Variants in GARNL3 observed in about 807,000 individuals in gnomAD.
The protein encoded by GARNL3 is GTPase-activating Rap/Ran-GAP domain-like protein 3.
A neutral mutation model predicts 125.0 loss-of-function variants in GARNL3; 63 were observed. The observed-to-expected ratio is 0.50, with a 90% CI of 0.41 to 0.62. GARNL3 has a LOEUF of 0.62. Among genes scored for constraint, GARNL3 ranks in the 20% least tolerant of loss-of-function variants. GARNL3 has a pLI of 0.00. For synonymous variants in GARNL3, 439 were observed against 457.5 expected (o/e 0.96, Z 0.52); for missense variants, 994 against 1,244.0 (o/e 0.80, Z 3.02).
intron 27 of GARNL3, 112 bp downstream of exon 27, chr9:127,390,879 A>G (rs1832785020): frequency 9.1e-7 from 1 of 1,103,246 alleles, no homozygotes; most frequent in Non-Finnish European, 1.3e-6. Flanking sequence ...TGGCAGCTAC[A>G]GCAGAGGGCC....
chr9:127,288,897 G>T lies in GARNL3; in HGVS notation c.145-2271G>T, dbSNP rs540649157. On this transcript the variant is annotated intron_variant, in intron 1 of 27. Coordinates refer to ENST00000373387, the MANE Select transcript of GARNL3 (RefSeq NM_032293.5). ...GTCTCTAGCAACCTCTATTTTAAGG[G>T]TAACAAGTAAGGGGAGGGTGTGTCC... 2.6e-5 allele frequency among the ~76,000 whole-genome samples: 4 copies of T among 152,278 alleles called. No individual in the cohort carries two copies. The South Asian group carries it at 8.3e-4, about 32-fold the overall frequency.
intron 1 of GARNL3, among the ~76,000 whole-genome samples, chr9:127,283,409 G>A (rs956169166): frequency 5.9e-5 from 9 of 152,140 alleles, no homozygotes; most frequent in African/African-American, 1.9e-4. Flanking sequence ...AGTGGCTCAC[G>A]CCTGTAATCC....
intron 2 of GARNL3, chr9:127,300,420 C>A: frequency 2.5e-6 from 1 of 402,236 alleles, no homozygotes. Flanking sequence ...CTCTTCTGCC[C>A]CTGCTGTTCC....
At position 127,359,827 on chromosome 9, in the gene GARNL3, A is replaced by AT. The variant is rs1258404717; in HGVS notation, c.2094+2452dup. On this transcript the variant is annotated intron_variant, in intron 21 of 27. Coordinates refer to ENST00000373387, the MANE Select transcript of GARNL3 (RefSeq NM_032293.5). ...ACCTATATTTAATGTCCTATAATTC[A>AT]TTATAGGATTTCTTTTTCCTATGAT... 4.6e-5 allele frequency among the ~76,000 whole-genome samples: 7 copies of AT among 152,128 alleles called. No individual in the cohort carries two copies. In the East Asian group the frequency reaches 1.3e-3, roughly 29 times the overall value.
chr9:127,335,714 T>A (rs1220044872), intron 10 of GARNL3, among the ~76,000 whole-genome samples: 2 of 152,178 alleles, frequency 1.3e-5, no homozygotes, highest in Non-Finnish European at 2.9e-5. Context: ...TTTGTATAGG[T>A]GTTACCTTTT....
intron 7 of GARNL3, among the ~76,000 whole-genome samples, chr9:127,329,233 G>A (rs1829067988): frequency 6.6e-6 from 1 of 152,160 alleles, no homozygotes; most frequent in African/African-American, 2.4e-5. Context: ...AGTACTTCCA[G>A]TCTTTCTGGA....
chr9:127,373,749 C>T (rs145117862), intron 22 of GARNL3, among the ~76,000 whole-genome samples: 9 of 152,210 alleles, frequency 5.9e-5, no homozygotes, highest in East Asian at 5.8e-4. Flanking sequence ...CCTGGCTGGG[C>T]GCGATGGCTC....
At chr9:127,268,670 G>A (rs1321540029) in intron 1 of GARNL3, among the ~76,000 whole-genome samples, 1 of 152,122 alleles carries the variant, frequency 6.6e-6, no homozygotes, top group Non-Finnish European at 1.5e-5. Context: ...TACACTTTCA[G>A]AATGTTTTCC....
At chr9:127,357,434 T>A in intron 21 of GARNL3, 57 bp downstream of exon 21, 1 of 1,528,106 alleles carries the variant, frequency 6.5e-7, no homozygotes. Flanking sequence ...CATCGTTGTG[T>A]ATTCTAACCC....
In GARNL3 at chr9:127,386,502, C is replaced by T. The variant is rs145787775; in HGVS notation, c.2389-691C>T. ...TGGTGCTGGGGAGACGTGCATTATC[C>T]CCCATGGTGCAGTATCTCTCCCCCA... On this transcript the variant is annotated intron_variant, in intron 24 of 27. Coordinates refer to ENST00000373387, the MANE Select transcript of GARNL3 (RefSeq NM_032293.5). Among the ~76,000 whole-genome samples the T allele has an allele frequency of 2.4e-3, 365 of 152,284 alleles. 1 individual carries two copies. The highest frequency in any genetic ancestry group is 8.2e-3 in the African/African-American group (342 of 41,542).
At chr9:127,272,691 A>G (rs913110538) in intron 1 of GARNL3, among the ~76,000 whole-genome samples, 2 of 152,098 alleles carry the variant, frequency 1.3e-5, no homozygotes, top group Admixed American at 1.3e-4. Flanking sequence ...GTTGGCCAGG[A>G]TGGTCTTGAT....
chr9:127,357,586 C>T (rs1201109463), intron 21 of GARNL3, among the ~76,000 whole-genome samples: 5 of 151,920 alleles, frequency 3.3e-5, no homozygotes, highest in Admixed American at 3.3e-4. Context: ...TGTGACTGTC[C>T]CATTTGCCCT....
rs2063220852 is a variant in GARNL3, at chr9:127,242,463, A to G, written c.-28-616A>G. On this transcript the variant is annotated intron_variant, in intron 1 of 10. Coordinates refer to the GARNL3 transcript ENST00000439286. This position sits in a 1 kb window ranked among gnomAD's most constrained non-coding sequence, Gnocchi z 4.6. The stretch of plus-strand genomic sequence containing the variant: ...CCTTTTCCACCTTCCTTGATGCATC[A>G]TCGGAGAAAGGAGCAGACACATCTC... 6.6e-6 allele frequency among the ~76,000 whole-genome samples: 1 copy of G among 152,228 alleles called. No individual in the cohort carries two copies. The highest frequency in any genetic ancestry group is 1.5e-5 in the Non-Finnish European group (1 of 68,044).
chr9:127,363,685 G>A (rs1413932863), intron 21 of GARNL3: 2 of 152,388 alleles, frequency 1.3e-5, no homozygotes, highest in Non-Finnish European at 2.9e-5. Context: ...GTGCTCCTGT[G>A]AGGAGGTCAG....
At chr9:127,332,722 C>G (rs1829330369) in intron 8 of GARNL3, among the ~76,000 whole-genome samples, 1 of 152,126 alleles carries the variant, frequency 6.6e-6, no homozygotes, top group South Asian at 2.1e-4. Context: ...TGTTAAATAC[C>G]TGCTTATTCT....
chr9:127,312,880 A>G (rs1433081147), intron 3 of GARNL3, among the ~76,000 whole-genome samples: 1 of 152,352 alleles, frequency 6.6e-6, no homozygotes, highest in South Asian at 2.1e-4. Context: ...AAATGGCGCC[A>G]TGAGTTTGGA....
upstream of GARNL3, chr9:127,264,693 C>T (rs1004742608): frequency 7.9e-5 from 96 of 1,221,940 alleles, no homozygotes; most frequent in Non-Finnish European, 6.2e-5. Flanking sequence ...TTCCAAATGA[C>T]TAAATATTTA....
At chr9:127,344,210 T>G (rs200532727) in intron 14 of GARNL3, 25 bp from the exon 15 acceptor site, 95 of 1,502,710 alleles carry the variant, frequency 6.3e-5, no homozygotes, top group Middle Eastern at 1.7e-4. Context: ...GTTTGTGGAA[T>G]TCATAACTTG....
At chr9:127,275,327 G>T (rs969947334) in intron 1 of GARNL3, among the ~76,000 whole-genome samples, 1 of 152,206 alleles carries the variant, frequency 6.6e-6, no homozygotes, top group African/African-American at 2.4e-5. Context: ...CACATGGGCT[G>T]TGGACTTTAA....
Sources: allele counts gnomAD v4.1 joint callset (sites outside exome capture counted in the v4.1 genomes callset), GRCh38; gene constraint gnomAD v4.1.1; non-coding constraint Gnocchi (gnomAD v3.1); transcripts MANE v1.5; gene names NCBI Gene and HGNC (gene_info 2026-07-23, HGNC 2026-07-21).